The following DSCAML1 variants were observed in gnomAD, a reference collection of about 807,000 sequenced individuals.
The protein encoded by DSCAML1 is cell adhesion molecule DSCAML1.
Under a neutral mutation model 200.5 loss-of-function variants are expected in DSCAML1, and 38 were observed. That is an observed-to-expected ratio of 0.19 (90% CI 0.15 to 0.25). The LOEUF (loss-of-function observed/expected upper bound fraction) is 0.25. DSCAML1 is among the 10% of genes least tolerant of loss of function. The pLI is 1.00. For missense variants in DSCAML1, 2,223 were observed against 2,858.8 expected, an observed-to-expected ratio of 0.78 and a Z score of 5.07; for synonymous variants, 1,215 against 1,165.0, an observed-to-expected ratio of 1.04 and a Z score of -0.87.
chr11:117,470,473 G>A lies in DSCAML1; in HGVS notation c.2954-493C>T, dbSNP rs531563340. Among the ~76,000 whole-genome samples the A allele has an allele frequency of 9.9e-4, 151 of 152,346 alleles. 1 individual carries two copies. Among genetic ancestry groups the A allele is most frequent in the African/African-American group, 3.5e-3 (144 of 41,576 alleles). On this transcript the variant is annotated intron_variant, in intron 15 of 32. Coordinates refer to ENST00000651296, the MANE Select transcript of DSCAML1 (RefSeq NM_020693.4). ...GCCTGTAGTCCCAGCTGCTCGGGAG[G>A]CTGAGGCAGGAGAATGGCATGAACC... is the stretch of plus-strand genomic sequence containing the variant.
intron 3 of DSCAML1, among the ~76,000 whole-genome samples, chr11:117,702,614 C>T (rs2053690778): frequency 6.6e-6 from 1 of 152,044 alleles, no homozygotes; most frequent in Non-Finnish European, 1.5e-5. Flanking sequence ...GATCACATTG[C>T]CTGGCGCATA....
chr11:117,672,131 C>T lies in DSCAML1; in HGVS notation c.511+104660G>A, dbSNP rs534405744. The stretch of plus-strand genomic sequence containing the variant: ...AAAAAAAAAAAAAAAAAAGAAGAAA[C>T]CTTGGGCCTCATCCAGGCTGACCCC... On this transcript the variant is annotated intron_variant, in intron 3 of 32. Coordinates refer to ENST00000651296, the MANE Select transcript of DSCAML1 (RefSeq NM_020693.4). Among the ~76,000 whole-genome samples, 22 of 130,798 alleles carry T rather than the reference C, an allele frequency of 1.7e-4. No individual in the cohort carries two copies. The South Asian group carries it at 4.5e-3, about 27-fold the overall frequency. The allele number at this position is 130,798 out of a possible 152,430, so 85.8% of individuals were successfully genotyped here. A position where few individuals can be genotyped will look rare whatever the true frequency, so the allele number is the denominator to read the frequency against.
chr11:117,792,380 C>A (rs946233081), intron 1 of DSCAML1, among the ~76,000 whole-genome samples: 2 of 152,130 alleles, frequency 1.3e-5, no homozygotes, highest in African/African-American at 4.8e-5. Flanking sequence ...AGCTGGCTCG[C>A]TGGGAGGGGC....
intron 3 of DSCAML1, among the ~76,000 whole-genome samples, chr11:117,771,640 A>T (rs1192070178): frequency 6.6e-6 from 1 of 152,224 alleles, no homozygotes; most frequent in Admixed American, 6.5e-5. Context: ...GGCGGGAAGT[A>T]GAGGAACCGG....
At position 117,562,438 on chromosome 11, in the gene DSCAML1, C is replaced by A. The variant is rs148859107; in HGVS notation, c.512-29916G>T. Among the ~76,000 whole-genome samples, 17 of 152,362 alleles carry A rather than the reference C, an allele frequency of 1.1e-4. No homozygotes were observed. The East Asian group carries it at 3.1e-3, about 28-fold the overall frequency. ...TTTCCAGATCCCCTTGGAATCATTT[C>A]TTGCTTCCAGCTCCCACAGCATGTG... On this transcript the variant is annotated intron_variant, in intron 3 of 32. Transcript: ENST00000651296.
intron 3 of DSCAML1, among the ~76,000 whole-genome samples, chr11:117,712,746 G>A (rs896957647): frequency 1.1e-4 from 17 of 152,076 alleles, no homozygotes; most frequent in Non-Finnish European, 2.9e-5. Flanking sequence ...CACCAAACCA[G>A]AGACAGCAGA....
chr11:117,474,817 C>T (rs371410932), intron 14 of DSCAML1, among the ~76,000 whole-genome samples: 10 of 150,720 alleles, frequency 6.6e-5, no homozygotes, highest in South Asian at 2.1e-4. Flanking sequence ...TGCAGTGGCG[C>T]GATCTCGGCT....
rs775392101 is a variant in DSCAML1 at position 117,431,608 on chromosome 11, C to T, written c.5300G>A (p.Arg1767His). 16 of 1,612,728 alleles carry T rather than the reference C, an allele frequency of 9.9e-6. No individual in the cohort carries two copies. Among genetic ancestry groups the T allele is most frequent in the East Asian group, 4.5e-5 (2 of 44,846 alleles). ...TPARTLTSDW[R>H]TVGSQHGVTV... is the part of the protein sequence containing the mutation. Reference sequence around the variant, plus strand: ...GACACCATGCTGGGAGCCCACGGTGCGCCAGTCGGAGGTGAGGGTGCGGGC... The same window carrying T: ...GACACCATGCTGGGAGCCCACGGTGTGCCAGTCGGAGGTGAGGGTGCGGGC... The change falls in exon 31 of 33, where the codon CGC becomes CAC. Residue 1767 changes from arginine to histidine, a missense_variant. Arg to His is a conservative substitution (Grantham distance 29, BLOSUM62 0). Around this residue, in one of 7 missense-constraint regions of DSCAML1, gnomAD observed 614 missense variants for 739.1 expected, o/e 0.83. Transcript: ENST00000651296.
Position 117,465,157 on chromosome 11 carries a change from C to T in DSCAML1, c.3050G>A (p.Gly1017Asp), listed in dbSNP as rs2048555450. ...WKAPKKELQN[G>D]VIRGYQIGYR... ...GCCAATCTGGTAGCCCCGGATGACA[C>T]CGTTCTGCAGCTCCTTCTTGGGTGC... The change falls in exon 17 of 33, where the codon GGT becomes GAT. Residue 1017 changes from glycine to aspartate, a missense_variant. By Grantham distance (94) the Gly-to-Asp change is moderately conservative. Transcript: ENST00000651296. 1.2e-6 allele frequency: 2 copies of T among 1,613,984 alleles called. No individual in the cohort carries two copies.
chr11:117,777,136 C>T (rs1051497610), intron 2 of DSCAML1, among the ~76,000 whole-genome samples, 199 bp from the exon 3 acceptor site: 1 of 152,186 alleles, frequency 6.6e-6, no homozygotes, highest in Admixed American at 6.5e-5. Flanking sequence ...CCTTCTCCAT[C>T]AACCTCCTCC....
intron 3 of DSCAML1, among the ~76,000 whole-genome samples, chr11:117,647,878 C>T (rs773226956): frequency 2.6e-5 from 4 of 152,166 alleles, no homozygotes; most frequent in Non-Finnish European, 5.9e-5. Flanking sequence ...CCCCTTTGTG[C>T]CCCACCAACC....
At chr11:117,430,675 G>A (rs903058593) in intron 32 of DSCAML1, 47 bp downstream of exon 32, 30 of 1,558,600 alleles carry the variant, frequency 1.9e-5, no homozygotes, top group Non-Finnish European at 2.5e-5. Flanking sequence ...TGGGGCTGGG[G>A]CCAGGGGGCG....
At chr11:117,766,501 T>G (rs1306513324) in intron 3 of DSCAML1, among the ~76,000 whole-genome samples, 5 of 152,136 alleles carry the variant, frequency 3.3e-5, no homozygotes, top group African/African-American at 9.7e-5. Flanking sequence ...AGGTAGGCAT[T>G]AAACAAAAAT....
At position 117,525,183 on chromosome 11, in the gene DSCAML1, A is replaced by G. The variant is rs1177831416; in HGVS notation, c.659-100T>C. On this transcript the variant is annotated intron_variant, in intron 4 of 32. Coordinates refer to ENST00000651296, the MANE Select transcript of DSCAML1 (RefSeq NM_020693.4). The stretch of plus-strand genomic sequence containing the variant: ...GCACCCAGACAGGAGCCTGCTGCCC[A>G]CTGGCGCCCACAGCGAGCAGTTTCC... The G allele has an allele frequency of 6.6e-6, 9 of 1,371,860 alleles. No homozygotes were observed. The South Asian group carries it at 9.1e-5, about 14-fold the overall frequency. 85.0% of individuals were successfully genotyped at this position (1,371,860 alleles called of 1,614,324 possible).
chr11:117,495,570 G>A (rs767357601), intron 11 of DSCAML1, among the ~76,000 whole-genome samples: 3 of 152,126 alleles, frequency 2.0e-5, no homozygotes, highest in Admixed American at 6.5e-5. Flanking sequence ...TTAGCGGGGG[G>A]CAGGGGGTGG....
chr11:117,756,605 G>A (rs931939644), intron 3 of DSCAML1, among the ~76,000 whole-genome samples: 10 of 152,126 alleles, frequency 6.6e-5, no homozygotes, highest in Non-Finnish European at 1.0e-4. Flanking sequence ...TGCTATCTGG[G>A]TTGTAGAAAA....
At chr11:117,552,652 A>T (rs1288240552) in intron 3 of DSCAML1, among the ~76,000 whole-genome samples, 1 of 152,210 alleles carries the variant, frequency 6.6e-6, no homozygotes, top group Non-Finnish European at 1.5e-5. Flanking sequence ...AGGGTCCTGT[A>T]ATCTGTGAAA....
intron 3 of DSCAML1, among the ~76,000 whole-genome samples, chr11:117,677,474 C>T (rs2053235293): frequency 6.6e-6 from 1 of 151,744 alleles, no homozygotes; most frequent in South Asian, 2.1e-4. Flanking sequence ...AGGGAGGGAG[C>T]AGGGGGCAGG....
chr11:117,689,500 C>G (rs2053459898), intron 3 of DSCAML1, among the ~76,000 whole-genome samples: 1 of 152,210 alleles, frequency 6.6e-6, no homozygotes, highest in African/African-American at 2.4e-5. Context: ...TTCCTGCCAG[C>G]AGGGTATGAA....
Sources: gnomAD v4.1 joint callset for allele counts (sites outside exome capture counted in the v4.1 genomes callset) on GRCh38, gnomAD v4.1.1 for gene constraint, gnomAD v4.1.1 regional missense constraint, MANE v1.5 for transcripts, NCBI Gene and HGNC (gene_info 2026-07-23, HGNC 2026-07-21) for gene names.